Variants in CYP3A4 observed in about 807,000 individuals in gnomAD.
CYP3A4 encodes cytochrome P450 3A4.
In CYP3A4, 41 loss-of-function variants were observed where a neutral mutation model predicts 54.9. The ratio of observed to expected loss-of-function variants is 0.75; its 90% CI spans 0.58 to 0.97. The LOEUF is 0.97. Among genes scored for constraint, CYP3A4 ranks in the 50% least tolerant of loss-of-function variants. CYP3A4 has a pLI of 0.00. For missense variants in CYP3A4, 510 were observed against 597.3 expected, an observed-to-expected ratio of 0.85 and a Z score of 1.52; for synonymous variants, 179 against 205.2, an observed-to-expected ratio of 0.87 and a Z score of 1.09.
intron 3 of CYP3A4, among the ~76,000 whole-genome samples, chr7:99,775,974 A>G (rs1433586791): frequency 6.6e-6 from 1 of 152,206 alleles, no homozygotes; most frequent in African/African-American, 2.4e-5. Context: ...AGAATCTACA[A>G]AGAACTTAAA....
intron 3 of CYP3A4, among the ~76,000 whole-genome samples, chr7:99,773,507 C>G (rs910516146): frequency 1.3e-5 from 2 of 152,168 alleles, no homozygotes; most frequent in African/African-American, 4.8e-5. Flanking sequence ...TCTCAGACCA[C>G]AGTGAAATCA....
At chr7:99,765,495 G>A (rs937058763) in intron 9 of CYP3A4, among the ~76,000 whole-genome samples, 1 of 152,010 alleles carries the variant, frequency 6.6e-6, no homozygotes, top group African/African-American at 2.4e-5. Context: ...ATGATAGATA[G>A]ATAGATAGAT....
rs12721632 is a variant in CYP3A4 at position 99,784,115 on chromosome 7, T to C, written c.-34A>G. ...TCCTTACTTATCTCTCTCCTCTGAG[T>C]CTTCCTTTCAGCTCTGTGTTGCTCT... On this transcript the variant is annotated 5_prime_UTR_variant, in exon 1 of 13. Coordinates refer to ENST00000651514, the MANE Select transcript of CYP3A4 (RefSeq NM_017460.6). 3 of 1,591,200 alleles carry C rather than the reference T, an allele frequency of 1.9e-6. No individual in the cohort carries two copies. Among genetic ancestry groups the C allele is most frequent in the Non-Finnish European group, 2.6e-6 (3 of 1,159,536 alleles).
intron 6 of CYP3A4, chr7:99,769,485 T>C (rs1815571377): frequency 2.4e-6 from 1 of 415,002 alleles, no homozygotes; most frequent in South Asian, 2.4e-5. Flanking sequence ...TCACACTTTT[T>C]CCCCCTAAAG....
intron 11 of CYP3A4, among the ~76,000 whole-genome samples, chr7:99,761,270 G>A (rs1313892797): frequency 2.6e-5 from 4 of 152,188 alleles, no homozygotes; most frequent in Non-Finnish European, 5.9e-5. Context: ...GGGTGGTGAT[G>A]TGTCCACACT....
At chr7:99,783,719 CT>C (rs1222804271) in intron 1 of CYP3A4, among the ~76,000 whole-genome samples, 2 of 151,322 alleles carry the variant, frequency 1.3e-5, no homozygotes, top group Non-Finnish European at 2.9e-5. Flanking sequence ...AGCAATTCTC[CT>C]GCCTCAGCCT....
chr7:99,779,553 G>A (rs1271591647), intron 2 of CYP3A4, among the ~76,000 whole-genome samples: 4 of 152,106 alleles, frequency 2.6e-5, no homozygotes, highest in Non-Finnish European at 4.4e-5. Flanking sequence ...CCAGAAGGAA[G>A]GGAAAAAAGG....
At chr7:99,761,039 C>T (rs181454120) in intron 11 of CYP3A4, 58 bp from the exon 12 acceptor site, 3 of 1,573,634 alleles carry the variant, frequency 1.9e-6, no homozygotes, top group South Asian at 2.4e-5. Context: ...CTAAGAGTTA[C>T]ATGTTAGGGT....
chr7:99,775,954 GCTAAC>G (rs1815760469), intron 3 of CYP3A4, among the ~76,000 whole-genome samples: 1 of 152,080 alleles, frequency 6.6e-6, no homozygotes, highest in South Asian at 2.1e-4. Context: ...CTGACGAAGG[GCTAAC>G]ATCCAGAATC....
In CYP3A4 at chr7:99,783,135, G is replaced by A. The variant is rs549892313; in HGVS notation, c.71+876C>T. 7.9e-5 allele frequency among the ~76,000 whole-genome samples: 12 copies of A among 152,186 alleles called. No individual in the cohort carries two copies. In the South Asian group the frequency reaches 2.5e-3, roughly 32 times the overall value. ...CCTTTCTGTGAAAGAATTAAAATGA[G>A]GTTTATATTTTCTATTTTCCTGTCA... On this transcript the variant is annotated intron_variant, in intron 1 of 12. Transcript: ENST00000651514.
chr7:99,768,487 G>T lies in CYP3A4; in HGVS notation c.537C>A (p.Tyr179Ter). The change falls in exon 7 of 13, where the codon TAC becomes TAA. Residue 179 changes from tyrosine (Y) to a stop codon, truncating the protein, a stop_gained. Coordinates refer to ENST00000651514, the MANE Select transcript of CYP3A4 (RefSeq NM_017460.6). LOFTEE classifies it high-confidence loss of function. ...ATGTGCTAGTGATCACATCCATGCT[G>T]TAGGCCCCAAAGACGCTGAGTGGAG... ...PVTLKDVFGA[Y>*]SMDVITSTSF... The T allele has an allele frequency of 6.8e-6, 11 of 1,613,846 alleles. No homozygotes were observed. Among genetic ancestry groups the T allele is most frequent in the Non-Finnish European group, 6.8e-6 (8 of 1,179,884 alleles).
In CYP3A4 at chr7:99,763,928, A is replaced by G. The variant is rs1815410898; in HGVS notation, c.953T>C (p.Met318Thr). ...ATCAGGGTGAGTGGCCAGTTCATACATAATGAAGGAGAGAACACTGCTCGT... is the reference window on the plus strand; with the variant it reads ...ATCAGGGTGAGTGGCCAGTTCATACGTAATGAAGGAGAGAACACTGCTCGT... ...ETTSSVLSFI[M>T]YELATHPDVQ... The change falls in exon 10 of 13, where the codon ATG (methionine) becomes ACG (threonine). Residue 318 changes from methionine (M) to threonine (T), a missense_variant. By Grantham distance (81) the Met-to-Thr change is moderately conservative. Around this residue, in one of 2 missense-constraint regions of CYP3A4, gnomAD observed 238 missense variants for 322.5 expected, o/e 0.74. Coordinates refer to ENST00000651514, the MANE Select transcript of CYP3A4 (RefSeq NM_017460.6). The G allele has an allele frequency of 1.2e-6, 2 of 1,614,050 alleles. No homozygotes were observed. Among genetic ancestry groups the G allele is most frequent in the Non-Finnish European group, 1.7e-6 (2 of 1,179,958 alleles).
chr7:99,766,632 G>A (rs1815483515), intron 8 of CYP3A4, 189 bp from the exon 9 acceptor site: 2 of 699,572 alleles, frequency 2.9e-6, no homozygotes, highest in African/African-American at 3.6e-5. Context: ...ATGTTTTCCT[G>A]AAACAAATCT....
At chr7:99,770,061 T>C (rs759650315) in intron 5 of CYP3A4, 61 bp downstream of exon 5, 22 of 1,564,460 alleles carry the variant, frequency 1.4e-5, no homozygotes, top group Non-Finnish European at 1.8e-5. Context: ...TCTTATTTTA[T>C]ACCTGTCCCC....
chr7:99,782,228 G>T (rs998706964), intron 1 of CYP3A4, among the ~76,000 whole-genome samples: 2 of 152,204 alleles, frequency 1.3e-5, no homozygotes, highest in South Asian at 4.1e-4. Context: ...AGCAGCATTG[G>T]TCCCCAAGGA....
At chr7:99,773,412 C>T (rs1461555569) in intron 3 of CYP3A4, among the ~76,000 whole-genome samples, 3 of 152,162 alleles carry the variant, frequency 2.0e-5, no homozygotes, top group Non-Finnish European at 4.4e-5. Context: ...AGCACCACAT[C>T]GCACTTATTC....
intron 1 of CYP3A4, among the ~76,000 whole-genome samples, chr7:99,782,267 T>A (rs150198293): frequency 1.3e-5 from 2 of 152,334 alleles, no homozygotes; most frequent in African/African-American, 4.8e-5. Flanking sequence ...TAGACTCACA[T>A]GGTTCCGTGT....
intron 1 of CYP3A4, among the ~76,000 whole-genome samples, chr7:99,782,463 A>G (rs1815952224): frequency 1.3e-5 from 2 of 152,190 alleles, no homozygotes; most frequent in Admixed American, 1.3e-4. Flanking sequence ...GGGCTGCATC[A>G]GCATCATCTA....
At position 99,777,476 on chromosome 7, in the gene CYP3A4, T is replaced by TTGTGTGTG. The variant is rs10554527; in HGVS notation, c.218+544_218+551dup. Among the ~76,000 whole-genome samples the TTGTGTGTG allele has an allele frequency of 6.2e-3, 915 of 146,696 alleles. 6 individuals carry two copies. Among genetic ancestry groups the TTGTGTGTG allele is most frequent in the African/African-American group, 0.021 (827 of 39,544 alleles). On this transcript the variant is annotated intron_variant, in intron 3 of 12. Coordinates refer to ENST00000651514, the MANE Select transcript of CYP3A4 (RefSeq NM_017460.6). ...GTTAGAACCAAAATGATGTCACTAGTTGTGTGTGTGTGTGTGTGTGTGTGT... is the reference window on the plus strand; with the variant it reads ...GTTAGAACCAAAATGATGTCACTAGTTGTGTGTGTGTGTGTGTGTGTGTGTGTGTGTGT...
Sources: gnomAD v4.1 joint callset for allele counts (sites outside exome capture counted in the v4.1 genomes callset) on GRCh38, gnomAD v4.1.1 for gene constraint, gnomAD v4.1.1 regional missense constraint, MANE v1.5 for transcripts, NCBI Gene and HGNC (gene_info 2026-07-23, HGNC 2026-07-21) for gene names.